The following FBP2 variants were observed in gnomAD, a reference collection of about 807,000 sequenced individuals.
FBP2 encodes the protein fructose-1,6-bisphosphatase isozyme 2.
FBP2 carries 27 observed loss-of-function variants against 31.6 expected under a neutral mutation model. The observed-to-expected ratio is 0.85, with a 90% CI of 0.63 to 1.18. FBP2 has a LOEUF of 1.18. FBP2 is among the 50% of genes most tolerant of loss of function. The pLI, the probability that FBP2 is intolerant of heterozygous loss-of-function variation, is 0.00. For missense variants in FBP2, 421 were observed against 436.1 expected (o/e 0.97, Z 0.31); for synonymous variants, 168 against 179.8 (o/e 0.93, Z 0.53).
At chr9:94,584,518 A>G in intron 3 of FBP2, 59 bp downstream of exon 3, 1 of 1,129,198 alleles carries the variant, frequency 8.9e-7, no homozygotes, top group Non-Finnish European at 1.3e-6. Flanking sequence ...TTTTCAGCCC[A>G]GGAACCTTCC....
intron 3 of FBP2, among the ~76,000 whole-genome samples, chr9:94,574,299 T>A (rs1358457660): frequency 6.6e-6 from 1 of 152,134 alleles, no homozygotes; most frequent in Admixed American, 6.5e-5. Context: ...AATAAGAGAG[T>A]TCATTTTAAT....
At chr9:94,583,144 C>T (rs984709726) in intron 3 of FBP2, among the ~76,000 whole-genome samples, 1 of 152,146 alleles carries the variant, frequency 6.6e-6, no homozygotes, top group African/African-American at 2.4e-5. Context: ...CATGAGCCAC[C>T]ATGCCCAGCC....
intron 1 of FBP2, among the ~76,000 whole-genome samples, chr9:94,589,098 T>C: frequency 6.6e-6 from 1 of 152,120 alleles, no homozygotes; most frequent in Non-Finnish European, 1.5e-5. Flanking sequence ...ACCATCTAGG[T>C]CCTGTTTATT....
chr9:94,582,714 AT>A (rs577200761), intron 3 of FBP2, among the ~76,000 whole-genome samples: 5,145 of 151,390 alleles, frequency 0.034, 279 homozygotes, highest in African/African-American at 0.12. Context: ...CGCCCGGCTA[AT>A]TTTTTTGTAT....
intron 1 of FBP2, among the ~76,000 whole-genome samples, chr9:94,590,841 G>A (rs1412671369): frequency 2.0e-5 from 3 of 152,162 alleles, no homozygotes; most frequent in Admixed American, 6.5e-5. Context: ...TGATTGGTGC[G>A]TTTACAATCC....
chr9:94,561,352 A>ACTTT lies in FBP2; in HGVS notation c.825+1989_825+1990insAAAG, dbSNP rs1827097696. ...GCAGGCCATGTGACATGTGACCTGT[A>ACTTT]TTTTTTTTTTTTTTTTTTTTTTTTT... On this transcript the variant is annotated intron_variant, in intron 6 of 6. Transcript: ENST00000375337. Among the ~76,000 whole-genome samples, 340 of 55,014 alleles carry ACTTT rather than the reference A, an allele frequency of 6.2e-3. 7 individuals are homozygous for ACTTT. The highest frequency in any genetic ancestry group is 0.025 in the African/African-American group (317 of 12,828). The allele number at this position is 55,014 out of a possible 152,430, so 36.1% of individuals were successfully genotyped here. A position where few individuals can be genotyped will look rare whatever the true frequency, so the allele number is the denominator to read the frequency against.
rs199777014 is a variant in FBP2 at position 94,584,346 on chromosome 9, CCTT to C, written c.426+228_426+230del. Among the ~76,000 whole-genome samples the C allele has an allele frequency of 7.8e-3, 1,186 of 152,284 alleles. 18 individuals are homozygous for C. The highest frequency in any genetic ancestry group is 0.027 in the African/African-American group (1,112 of 41,532). The stretch of plus-strand genomic sequence containing the variant: ...ACTTTCAAAACAAGATCTCAGCTGT[CCTT>C]CTGTGTTACCCTCCCAGGAATGCCA... On this transcript the variant is annotated intron_variant, in intron 3 of 6. Coordinates refer to ENST00000375337, the MANE Select transcript of FBP2 (RefSeq NM_003837.4).
At chr9:94,571,683 T>C in intron 3 of FBP2, 81 bp from the exon 4 acceptor site, 1 of 1,282,828 alleles carries the variant, frequency 7.8e-7, no homozygotes, top group Admixed American at 2.4e-5. Context: ...GCTTCAGATC[T>C]CCTCGAATCA....
chr9:94,587,278 C>T (rs752016979), intron 2 of FBP2, 29 bp downstream of exon 2: 23 of 1,580,454 alleles, frequency 1.5e-5, no homozygotes, highest in Non-Finnish European at 2.0e-5. Context: ...CATCTACTGG[C>T]GAGCGGGCAC....
At chr9:94,576,998 A>T (rs1827322258) in intron 3 of FBP2, among the ~76,000 whole-genome samples, 1 of 151,840 alleles carries the variant, frequency 6.6e-6, no homozygotes, top group African/African-American at 2.4e-5. Flanking sequence ...ATCTTGGGGC[A>T]CCCACAGCCT....
intron 3 of FBP2, among the ~76,000 whole-genome samples, chr9:94,578,268 T>C (rs975575752): frequency 4.6e-5 from 7 of 152,242 alleles, no homozygotes; most frequent in African/African-American, 1.4e-4. Flanking sequence ...CTCTGAGCTA[T>C]TGGCAAAATG....
chr9:94,571,746 G>GA, intron 3 of FBP2, 144 bp from the exon 4 acceptor site: 2 of 715,292 alleles, frequency 2.8e-6, no homozygotes, highest in Non-Finnish European at 4.3e-6. Flanking sequence ...CCATCCAGAG[G>GA]AAACGAGTGG....
In FBP2 at chr9:94,559,061, C is replaced by G; in HGVS notation, c.897G>C (p.Gly299=). The change falls in exon 7 of 7, where the codon GGG becomes GGC. Residue 299 remains glycine (G), a synonymous_variant. Coordinates refer to ENST00000375337, the MANE Select transcript of FBP2 (RefSeq NM_003837.4). ...GCTTCACGTCCAGTACAGGCTGGGT[C>G]CCCGTGGTCGCCAAGCCTCCTGCCT... The part of the protein sequence containing the change: ...IEQAGGLATT[G]TQPVLDVKPE... 1 of 1,614,060 alleles carries G rather than the reference C, an allele frequency of 6.2e-7. No individual in the cohort carries two copies. The highest frequency in any genetic ancestry group is 2.2e-5 in the East Asian group (1 of 44,860).
intron 3 of FBP2, among the ~76,000 whole-genome samples, chr9:94,582,519 C>A (rs1827382311): frequency 6.6e-6 from 1 of 151,066 alleles, no homozygotes; most frequent in Admixed American, 6.6e-5. Flanking sequence ...TAGCTGGGAC[C>A]ACAGTCACAT....
At chr9:94,568,374 C>T (rs1827224184) in intron 4 of FBP2, 1 of 152,188 alleles carries the variant, frequency 6.6e-6, no homozygotes, top group Admixed American at 6.5e-5. Context: ...ACCTGCAGGG[C>T]ATCTCTCAAA....
intron 4 of FBP2, chr9:94,569,817 A>T (rs1587840561): frequency 6.6e-6 from 1 of 152,306 alleles, no homozygotes; most frequent in East Asian, 1.9e-4. Flanking sequence ...GTGTGTTCTG[A>T]CAAAATCAAA....
intron 4 of FBP2, among the ~76,000 whole-genome samples, chr9:94,571,098 G>T (rs1318487830): frequency 6.6e-6 from 1 of 152,192 alleles, no homozygotes; most frequent in Non-Finnish European, 1.5e-5. Flanking sequence ...CATTCTACTG[G>T]ATGGTGCTGC....
At chr9:94,563,504 G>A (rs775001804) in intron 5 of FBP2, 43 bp from the exon 6 acceptor site, 1 of 1,594,940 alleles carries the variant, frequency 6.3e-7, no homozygotes, top group South Asian at 1.1e-5. Flanking sequence ...GTGGCTTTCA[G>A]GATTAGCCAG....
chr9:94,586,350 G>A (rs1260062828), intron 2 of FBP2, among the ~76,000 whole-genome samples: 3 of 152,130 alleles, frequency 2.0e-5, no homozygotes, highest in Non-Finnish European at 2.9e-5. Context: ...ACTCCAGCCT[G>A]TCCAGCCGGG....
Sources: gnomAD v4.1 joint callset for allele counts (sites outside exome capture counted in the v4.1 genomes callset) on GRCh38, gnomAD v4.1.1 for gene constraint, MANE v1.5 for transcripts, NCBI Gene and HGNC (gene_info 2026-07-23, HGNC 2026-07-21) for gene names.